Variants in IPO7 observed in about 807,000 individuals in gnomAD.
The protein encoded by IPO7 is importin-7.
A neutral mutation model predicts 136.4 loss-of-function variants in IPO7; 13 were observed. The ratio of observed to expected loss-of-function variants is 0.10; its 90% confidence interval spans 0.06 to 0.15. The LOEUF is 0.15. IPO7 is among the 10% of genes least tolerant of loss of function. IPO7 has a pLI of 1.00. For synonymous variants in IPO7, 403 were observed against 404.4 expected (o/e 1.00, Z 0.04); for missense variants, 857 against 1,240.6 (o/e 0.69, Z 4.65).
At chr11:9,422,278 C>CAAAT (rs1052368823) in intron 8 of IPO7, among the ~76,000 whole-genome samples, 2 of 151,782 alleles carry the variant, frequency 1.3e-5, no homozygotes, top group African/African-American at 2.4e-5. Flanking sequence ...AATAAATAAA[C>CAAAT]AAATAAATAA....
Position 9,414,291 on chromosome 11 carries a change from A to G in IPO7, c.516A>G (p.Ala172=). ...KKPEERSPLV[A]AMQHFLPVLK... ...CAGAGGAGCGGAGTCCATTGGTAGC[A>G]GCAATGCAGCATTTTCTGCCAGTTC... The change falls in exon 5 of 25, where the codon GCA becomes GCG. Residue 172 remains alanine (A), a synonymous_variant. Transcript: ENST00000379719. 1 of 1,613,202 alleles carries G rather than the reference A, an allele frequency of 6.2e-7. No individual in the cohort carries two copies. Among genetic ancestry groups the G allele is most frequent in the Non-Finnish European group, 8.5e-7 (1 of 1,179,702 alleles).
In IPO7 at chr11:9,446,060, G is replaced by A. The variant is rs1196815791; in HGVS notation, c.*866G>A. The A allele has an allele frequency of 1.3e-5, 2 of 152,138 alleles. No individual in the cohort carries two copies. The highest frequency in any genetic ancestry group is 2.4e-5 in the African/African-American group (1 of 41,420). The allele number at this position is 152,138 out of a possible 1,614,324, so 9.4% of individuals were successfully genotyped here. On this transcript the variant is annotated 3_prime_UTR_variant, in exon 25 of 25. Coordinates refer to ENST00000379719, the MANE Select transcript of IPO7 (RefSeq NM_006391.3). ...TCTGTGTCCTGTTTTTCTTAAAGCT[G>A]TCAGTGTACAAGTGGGTATTTGAAT...
intron 1 of IPO7, among the ~76,000 whole-genome samples, chr11:9,395,535 G>C (rs528747569): frequency 6.6e-6 from 1 of 151,822 alleles, no homozygotes; most frequent in Non-Finnish European, 1.5e-5. Flanking sequence ...CACCGCCCCC[G>C]GCCCTCACTT....
intron 22 of IPO7, 25 bp from the exon 23 acceptor site, chr11:9,440,430 A>C (rs1406959516): frequency 1.3e-6 from 2 of 1,560,072 alleles, no homozygotes; most frequent in Non-Finnish European, 1.8e-6. Flanking sequence ...ATTGTTATAA[A>C]AGTACTTATA....
rs1590424299 is a variant in IPO7 at position 9,390,961 on chromosome 11, G to A, written c.84+6114G>A. 4.6e-5 allele frequency among the ~76,000 whole-genome samples: 7 copies of A among 152,084 alleles called. 1 individual carries two copies. The highest frequency in any genetic ancestry group is 1.7e-4 in the African/African-American group (7 of 41,518). On this transcript the variant is annotated intron_variant, in intron 1 of 24. Transcript: ENST00000379719. ...ATTTTTGTATTTTTGGTAGAGATGG[G>A]GTTTCACCTTGTTGGCCAGGCTGGT...
intron 8 of IPO7, among the ~76,000 whole-genome samples, chr11:9,422,584 T>C (rs1310095536): frequency 6.6e-6 from 1 of 152,118 alleles, no homozygotes; most frequent in Non-Finnish European, 1.5e-5. Flanking sequence ...GTTGACTGCT[T>C]TGGGTAAGGT....
intron 2 of IPO7, among the ~76,000 whole-genome samples, chr11:9,407,982 CAT>C (rs1854911115): frequency 6.6e-6 from 1 of 152,176 alleles, no homozygotes; most frequent in Non-Finnish European, 1.5e-5. Flanking sequence ...TCTCCCATAA[CAT>C]AATTTGAATT....
At chr11:9,417,251 A>G in intron 6 of IPO7, 103 bp downstream of exon 6, 1 of 535,864 alleles carries the variant, frequency 1.9e-6, no homozygotes, top group Non-Finnish European at 3.3e-6. Context: ...GAATTTTTAT[A>G]ATATGGTGAT....
intron 2 of IPO7, 131 bp from the exon 3 acceptor site, chr11:9,408,355 A>G (rs902420352): frequency 6.5e-6 from 3 of 460,236 alleles, no homozygotes; most frequent in Non-Finnish European, 1.1e-5. Context: ...AATTGAATGT[A>G]GTATTTTGTT....
intron 10 of IPO7, 42 bp from the exon 11 acceptor site, chr11:9,424,872 G>C: frequency 8.5e-7 from 1 of 1,180,338 alleles, no homozygotes; most frequent in East Asian, 2.3e-5. Flanking sequence ...CTTTGTTGAA[G>C]AAATTAATGT....
At chr11:9,385,170 C>T (rs961681469) in intron 1 of IPO7, among the ~76,000 whole-genome samples, 9 of 152,166 alleles carry the variant, frequency 5.9e-5, no homozygotes, top group Non-Finnish European at 1.2e-4. Context: ...CTGGCTCATT[C>T]CCAGCTGGTT....
In IPO7 at chr11:9,443,829, G is replaced by A. The variant is rs533120451; in HGVS notation, c.3020-1268G>A. Among the ~76,000 whole-genome samples, 6 of 152,202 alleles carry A rather than the reference G, an allele frequency of 3.9e-5. No individual in the cohort carries two copies. The South Asian group carries it at 1.2e-3, about 32-fold the overall frequency. ...GCTGGAGGATCACTTGAATGTGGGA[G>A]GTGTAGGTTATAGTGAGCCATTATT... On this transcript the variant is annotated intron_variant, in intron 24 of 24. Coordinates refer to ENST00000379719, the MANE Select transcript of IPO7 (RefSeq NM_006391.3).
At chr11:9,384,924 C>A in intron 1 of IPO7, 77 bp downstream of exon 1, 1 of 1,133,188 alleles carries the variant, frequency 8.8e-7, no homozygotes, top group South Asian at 1.4e-5. Flanking sequence ...GGGGCCTGGC[C>A]GGAGGCGCGG....
rs144109761 is a variant in IPO7 at position 9,438,284 on chromosome 11, C to T, written c.2694C>T (p.Thr898=). 1,367 of 1,509,766 alleles carry T rather than the reference C, an allele frequency of 9.1e-4. 1 individual carries two copies. The highest frequency in any genetic ancestry group is 1.2e-3 in the Non-Finnish European group (1,256 of 1,088,782). 93.5% of individuals were successfully genotyped at this position (1,509,766 alleles called of 1,614,324 possible). Residue 898 remains threonine (T), a splice_region_variant and synonymous_variant, in exon 22 of 25, where the codon ACC becomes ACT. Coordinates refer to ENST00000379719, the MANE Select transcript of IPO7 (RefSeq NM_006391.3). The stretch of plus-strand genomic sequence containing the variant: ...ATGAAGCTGAAGATGATGATGAAAC[C>T]GGTAAGGGATTTTCAATGGAAGAAG... ...DDDEAEDDDE[T]EELGSDEDDI...
chr11:9,422,225 G>A (rs972587412), intron 8 of IPO7, among the ~76,000 whole-genome samples: 1 of 151,978 alleles, frequency 6.6e-6, no homozygotes, highest in Non-Finnish European at 1.5e-5. Flanking sequence ...TTTGCGGTGG[G>A]CCGAGATTGC....
chr11:9,413,028 C>T (rs928124252), intron 4 of IPO7, among the ~76,000 whole-genome samples: 7 of 151,698 alleles, frequency 4.6e-5, no homozygotes, highest in African/African-American at 1.2e-4. Flanking sequence ...TATAGGCGCC[C>T]GCCACCACGC....
chr11:9,419,930 TA>T (rs1473882682), intron 6 of IPO7, among the ~76,000 whole-genome samples: 7 of 152,188 alleles, frequency 4.6e-5, no homozygotes, highest in Non-Finnish European at 2.9e-5. Context: ...AGAATTATTT[TA>T]AAAAGCATGT....
chr11:9,425,629 A>G (rs1045026764), intron 12 of IPO7, among the ~76,000 whole-genome samples: 24 of 152,046 alleles, frequency 1.6e-4, no homozygotes, highest in Admixed American at 1.2e-3. Context: ...TAATCCCAGC[A>G]TTTTGGGAGA....
chr11:9,409,968 G>A lies in IPO7; in HGVS notation c.361G>A (p.Asp121Asn). ...ATGCATTCATCACATCATCAAACAT[G>A]ATTATCCAAGCCGCTGGACTGCCAT... ...TTCIHHIIKH[D>N]YPSRWTAIVD... Residue 121 changes from aspartate (D) to asparagine (N), a missense_variant, in exon 4 of 25, where the codon GAT becomes AAT. This residue lies in a region of IPO7 where 287 missense variants were observed against 307.5 expected (regional missense o/e 0.93). Coordinates refer to ENST00000379719, the MANE Select transcript of IPO7 (RefSeq NM_006391.3). 6.3e-7 allele frequency: 1 copy of A among 1,599,962 alleles called. No individual in the cohort carries two copies. Among genetic ancestry groups the A allele is most frequent in the Middle Eastern group, 1.7e-4 (1 of 6,002 alleles).
Sources: gnomAD v4.1 joint callset for allele counts (sites outside exome capture counted in the v4.1 genomes callset) on GRCh38, gnomAD v4.1.1 for gene constraint, gnomAD v4.1.1 regional missense constraint, MANE v1.5 for transcripts, NCBI Gene and HGNC (gene_info 2026-07-23, HGNC 2026-07-21) for gene names.